FAM222A: variants seen among roughly 807,000 people sequenced by gnomAD.
FAM222A encodes the protein protein FAM222A.
Under a neutral mutation model 25.8 loss-of-function variants are expected in FAM222A, and 7 were observed. The ratio of observed to expected loss-of-function variants is 0.27; its 90% CI spans 0.15 to 0.51. The LOEUF is 0.51. Among genes scored for constraint, FAM222A ranks in the 20% least tolerant of loss-of-function variants. FAM222A has a pLI of 0.97. For synonymous variants in FAM222A, 294 were observed against 298.8 expected (o/e 0.98, Z 0.17); for missense variants, 573 against 640.5 (o/e 0.89, Z 1.14).
chr12:109,723,506 C>T (rs899217826), intron 1 of FAM222A, among the ~76,000 whole-genome samples: 12 of 152,184 alleles, frequency 7.9e-5, no homozygotes, highest in Non-Finnish European at 1.5e-4. Context: ...TCCTGGGTCC[C>T]GGGCCCAGTC....
rs761250673 is a variant in FAM222A, at chr12:109,769,091, C to T, written c.1162C>T (p.Leu388Phe). ...GCTGGCTGGGCCCCCTGCAGATGCC[C>T]TCTCGGGCCTGCCCAGCAAGAGTGT... is the stretch of plus-strand genomic sequence containing the variant. ...RELAGPPADA[L>F]SGLPSKSVCN... The change falls in exon 3 of 3, where the codon CTC (leucine) becomes TTC (phenylalanine). Residue 388 changes from leucine (L) to phenylalanine (F), a missense_variant. Leu to Phe is a conservative substitution (Grantham distance 22, BLOSUM62 0). Coordinates refer to ENST00000538780, the MANE Select transcript of FAM222A (RefSeq NM_032829.3). The T allele has an allele frequency of 8.7e-6, 14 of 1,607,016 alleles. No homozygotes were observed. The highest frequency in any genetic ancestry group is 1.2e-5 in the Non-Finnish European group (14 of 1,177,562).
intron 2 of FAM222A, among the ~76,000 whole-genome samples, chr12:109,746,945 A>G (rs1164469211): frequency 2.6e-5 from 4 of 152,136 alleles, no homozygotes; most frequent in African/African-American, 9.7e-5. Flanking sequence ...AGTGTTTTGA[A>G]TTTTGGAAAA....
At chr12:109,759,196 C>T (rs1241927665) in intron 2 of FAM222A, among the ~76,000 whole-genome samples, 3 of 152,186 alleles carry the variant, frequency 2.0e-5, no homozygotes, top group East Asian at 1.9e-4. Context: ...GGCGACTTGC[C>T]CTCTCCAAGC....
intron 1 of FAM222A, among the ~76,000 whole-genome samples, chr12:109,724,248 T>C (rs1473730799): frequency 6.6e-6 from 1 of 152,278 alleles, no homozygotes; most frequent in Non-Finnish European, 1.5e-5. Context: ...GTCCTGGCCT[T>C]TTCCAGCTAC....
chr12:109,723,607 C>G (rs2136319548), intron 1 of FAM222A, among the ~76,000 whole-genome samples: 1 of 152,372 alleles, frequency 6.6e-6, no homozygotes, highest in Admixed American at 6.5e-5. Flanking sequence ...CCCTACTGGG[C>G]AGGGAAGCCC....
intron 2 of FAM222A, among the ~76,000 whole-genome samples, chr12:109,752,206 C>G (rs1307796023): frequency 6.6e-6 from 1 of 152,180 alleles, no homozygotes; most frequent in Non-Finnish European, 1.5e-5. Flanking sequence ...TGCTCCAAAG[C>G]CAGAACAGGA....
intron 2 of FAM222A, among the ~76,000 whole-genome samples, chr12:109,755,902 T>G (rs1438132355): frequency 6.6e-6 from 1 of 152,244 alleles, no homozygotes; most frequent in Non-Finnish European, 1.5e-5. Context: ...AATCAGAAAG[T>G]GTAAATCCTC....
chr12:109,727,458 G>T (rs1041940381), intron 1 of FAM222A, among the ~76,000 whole-genome samples: 2 of 152,176 alleles, frequency 1.3e-5, no homozygotes, highest in Non-Finnish European at 2.9e-5. Context: ...TGACTATTTT[G>T]TGTCTTGCTC....
chr12:109,731,173 C>G (rs140889757), intron 1 of FAM222A, among the ~76,000 whole-genome samples: 1,984 of 152,184 alleles, frequency 0.013, 25 homozygotes, highest in Non-Finnish European at 0.018. Context: ...TAGACACTGT[C>G]CGTCAGGAGC....
rs181924998 is a variant in FAM222A at position 109,731,509 on chromosome 12, A to G, written c.-46-12592A>G. 9.0e-4 allele frequency among the ~76,000 whole-genome samples: 137 copies of G among 152,202 alleles called. 1 individual carries two copies. Among genetic ancestry groups the G allele is most frequent in the Non-Finnish European group, 1.2e-3 (80 of 67,990 alleles). On this transcript the variant is annotated intron_variant, in intron 1 of 2. Transcript: ENST00000538780. Reference sequence around the variant, plus strand: ...GCGTGGATGTATTCACACTCAAGAGAAGGGCTTCCAGCTCCACGTGAGCTG... The same window carrying G: ...GCGTGGATGTATTCACACTCAAGAGGAGGGCTTCCAGCTCCACGTGAGCTG...
At position 109,759,028 on chromosome 12, in the gene FAM222A, G is replaced by A. The variant is rs61943766; in HGVS notation, c.83-8984G>A. ...AGGCGAGAATTTGCTCCCTTCTACC[G>A]TCCAGAAAGCTGAAGTCCACCAAGG... is the stretch of plus-strand genomic sequence containing the variant. On this transcript the variant is annotated intron_variant, in intron 2 of 2. Transcript: ENST00000538780. Among the ~76,000 whole-genome samples, 589 of 152,286 alleles carry A rather than the reference G, an allele frequency of 3.9e-3. 5 individuals are homozygous for A. Among genetic ancestry groups the A allele is most frequent in the Non-Finnish European group, 4.6e-3 (310 of 68,016 alleles).
chr12:109,736,032 C>G (rs1209263812), intron 1 of FAM222A: 1 of 152,350 alleles, frequency 6.6e-6, no homozygotes, highest in Non-Finnish European at 1.5e-5. Flanking sequence ...GTGACTGCCC[C>G]TCCTTCTGGC....
chr12:109,717,442 C>T, intron 1 of FAM222A, among the ~76,000 whole-genome samples: 1 of 152,100 alleles, frequency 6.6e-6, no homozygotes, highest in African/African-American at 2.4e-5. Flanking sequence ...GGTTCCTGAC[C>T]CAGCCTGAGG....
chr12:109,738,779 G>C (rs898467335), intron 1 of FAM222A, among the ~76,000 whole-genome samples: 4 of 152,182 alleles, frequency 2.6e-5, no homozygotes, highest in Non-Finnish European at 5.9e-5. Context: ...GCTGGATTAA[G>C]TTTGGAAACC....
At chr12:109,759,667 G>A (rs999667726) in intron 2 of FAM222A, among the ~76,000 whole-genome samples, 7 of 152,238 alleles carry the variant, frequency 4.6e-5, no homozygotes, top group Admixed American at 1.3e-4. Context: ...GGGGGCCGCA[G>A]CAGGCAGAGG....
intron 2 of FAM222A, among the ~76,000 whole-genome samples, chr12:109,766,794 C>T (rs1007683352): frequency 2.0e-5 from 3 of 152,266 alleles, no homozygotes; most frequent in Admixed American, 1.3e-4. Flanking sequence ...GCATTTTCTC[C>T]CGAAGCCGGG....
chr12:109,749,559 A>G (rs2136355806), intron 2 of FAM222A, among the ~76,000 whole-genome samples: 1 of 152,276 alleles, frequency 6.6e-6, no homozygotes, highest in African/African-American at 2.4e-5. Context: ...GGGACTTAAA[A>G]AGGTGTTCAC....
At chr12:109,722,484 A>G (rs1445710629) in intron 1 of FAM222A, 1 of 152,266 alleles carries the variant, frequency 6.6e-6, no homozygotes, top group African/African-American at 2.4e-5. Flanking sequence ...GATTGAATGA[A>G]TAAATGAATG....
At chr12:109,736,713 G>A (rs563736407) in intron 1 of FAM222A, among the ~76,000 whole-genome samples, 2 of 152,322 alleles carry the variant, frequency 1.3e-5, no homozygotes, top group South Asian at 4.1e-4. Flanking sequence ...CGTCCCCAGT[G>A]GTTGGAGTGC....
Sources: allele counts gnomAD v4.1 joint callset (sites outside exome capture counted in the v4.1 genomes callset), GRCh38; gene constraint gnomAD v4.1.1; transcripts MANE v1.5; gene names NCBI Gene and HGNC (gene_info 2026-07-23, HGNC 2026-07-21).